Variants in PTPRD observed in about 807,000 individuals in gnomAD.
PTPRD encodes the protein receptor-type tyrosine-protein phosphatase delta.
Under a neutral mutation model 214.5 loss-of-function variants are expected in PTPRD, and 34 were observed. The observed-to-expected ratio is 0.16, with a 90% confidence interval of 0.12 to 0.21. The LOEUF is 0.21. PTPRD is among the 10% of genes least tolerant of loss of function. The probability of loss-of-function intolerance (pLI) is 1.00; values close to 1 mark genes in which losing one functional copy is unlikely to be tolerated. For missense variants in PTPRD, 2,545 were observed against 2,398.7 expected (o/e 1.06, Z -1.27); for synonymous variants, 1,128 against 845.7 (o/e 1.33, Z -5.79).
chr9:9,105,374 A>C (rs1448899443), intron 10 of PTPRD, among the ~76,000 whole-genome samples: 2 of 152,178 alleles, frequency 1.3e-5, no homozygotes, highest in Admixed American at 1.3e-4. Context: ...CTCTAAGTCA[A>C]CTTTCAGAGC....
At chr9:8,543,034 G>C (rs996575003) in intron 14 of PTPRD, among the ~76,000 whole-genome samples, 1 of 152,178 alleles carries the variant, frequency 6.6e-6, no homozygotes, top group Non-Finnish European at 1.5e-5. Flanking sequence ...AGAATAATTT[G>C]AGTTGTGTTC....
chr9:8,776,548 TC>T (rs201221541), intron 11 of PTPRD, among the ~76,000 whole-genome samples: 6,343 of 151,946 alleles, frequency 0.042, 400 homozygotes, highest in African/African-American at 0.14. Flanking sequence ...TCTGCCGGCC[TC>T]CCAAAGTGCT....
At chr9:10,551,170 G>A (rs1307033287) in intron 2 of PTPRD, among the ~76,000 whole-genome samples, 1 of 152,012 alleles carries the variant, frequency 6.6e-6, no homozygotes, top group East Asian at 2.0e-4. Flanking sequence ...CCCCAACTCT[G>A]CAAAGAAACC....
At chr9:8,505,292 C>T (rs2097519235) in intron 22 of PTPRD, among the ~76,000 whole-genome samples, 1 of 152,052 alleles carries the variant, frequency 6.6e-6, no homozygotes, top group African/African-American at 2.4e-5. Context: ...AACACTTTAT[C>T]AAATAGTGTT....
intron 2 of PTPRD, among the ~76,000 whole-genome samples, chr9:10,501,024 T>C (rs552234238): frequency 1.3e-5 from 2 of 152,188 alleles, no homozygotes; most frequent in Admixed American, 1.3e-4. Flanking sequence ...CTTTATCATA[T>C]ACTGATTTCC....
chr9:10,459,558 ATC>A (rs2098943326), intron 2 of PTPRD, among the ~76,000 whole-genome samples: 1 of 152,068 alleles, frequency 6.6e-6, no homozygotes, highest in South Asian at 2.1e-4. Flanking sequence ...CCTCTCCAGC[ATC>A]TGTTGTTTCC....
intron 5 of PTPRD, among the ~76,000 whole-genome samples, chr9:9,819,757 A>G (rs1030126540): frequency 6.6e-6 from 1 of 152,070 alleles, no homozygotes; most frequent in Non-Finnish European, 1.5e-5. Context: ...GAGTGAGAAC[A>G]TGTTCCTGCA....
Position 8,524,961 on chromosome 9 carries a change from T to C in PTPRD, c.643A>G (p.Thr215Ala). The change falls in exon 18 of 46, where the codon ACT becomes GCT. Residue 215 changes from threonine to alanine, a missense_variant. Coordinates refer to ENST00000381196, the MANE Select transcript of PTPRD (RefSeq NM_002839.4). ...YECVATNSAG[T>A]RYSAPANLYV... Reference sequence around the variant, plus strand: ...AAATTGGCAGGAGCGGAATAGCGAGTGCCCGCGCTGTTGGTGGCAACACAC... The same window carrying C: ...AAATTGGCAGGAGCGGAATAGCGAGCGCCCGCGCTGTTGGTGGCAACACAC... The C allele has an allele frequency of 6.2e-7, 1 of 1,613,590 alleles. No individual in the cohort carries two copies. Among genetic ancestry groups the C allele is most frequent in the Non-Finnish European group, 8.5e-7 (1 of 1,179,674 alleles).
At chr9:9,495,589 C>T (rs898719470) in intron 8 of PTPRD, among the ~76,000 whole-genome samples, 7 of 152,150 alleles carry the variant, frequency 4.6e-5, no homozygotes, top group South Asian at 2.1e-4. Flanking sequence ...GACTAGACCT[C>T]GGGGAAGAGA....
intron 6 of PTPRD, among the ~76,000 whole-genome samples, chr9:9,763,852 T>C (rs2098682960): frequency 6.6e-6 from 1 of 152,144 alleles, no homozygotes; most frequent in Non-Finnish European, 1.5e-5. Flanking sequence ...ATTATATATT[T>C]TTAAATAGAC....
chr9:10,575,663 G>A (rs79892210), intron 2 of PTPRD, among the ~76,000 whole-genome samples: 1,615 of 152,200 alleles, frequency 0.011, 30 homozygotes, highest in African/African-American at 0.036. Flanking sequence ...CATTTATGGT[G>A]ATTACAAACC....
At chr9:9,390,513 A>C (rs1168100945) in intron 9 of PTPRD, among the ~76,000 whole-genome samples, 1 of 152,200 alleles carries the variant, frequency 6.6e-6, no homozygotes, top group African/African-American at 2.4e-5. Flanking sequence ...TCATAGAAAC[A>C]ATAAAAGATA....
At chr9:8,850,070 T>C (rs1368991826) in intron 11 of PTPRD, among the ~76,000 whole-genome samples, 6 of 152,134 alleles carry the variant, frequency 3.9e-5, no homozygotes, top group Admixed American at 2.6e-4. Context: ...CCAAGGTTTC[T>C]GATCAAGGGA....
intron 11 of PTPRD, among the ~76,000 whole-genome samples, chr9:8,833,095 T>G (rs955038876): frequency 5.3e-5 from 8 of 152,106 alleles, no homozygotes; most frequent in African/African-American, 1.9e-4. Flanking sequence ...GCACATCCAG[T>G]TCATACACAG....
chr9:10,410,306 A>G (rs144198619), intron 2 of PTPRD, among the ~76,000 whole-genome samples: 79 of 137,842 alleles, frequency 5.7e-4, no homozygotes, highest in Middle Eastern at 3.8e-3. Context: ...TATATAATAT[A>G]TATATAAAAC....
At chr9:9,005,054 C>T (rs1486694902) in intron 11 of PTPRD, among the ~76,000 whole-genome samples, 1 of 152,018 alleles carries the variant, frequency 6.6e-6, no homozygotes, top group African/African-American at 2.4e-5. Flanking sequence ...TCTTTATGCC[C>T]TCTAGTGCAT....
chr9:9,434,131 T>A (rs1452860292), intron 8 of PTPRD, among the ~76,000 whole-genome samples: 1 of 152,200 alleles, frequency 6.6e-6, no homozygotes, highest in Non-Finnish European at 1.5e-5. Context: ...CTTTACCTAT[T>A]GTAATATGAG....
In PTPRD at chr9:9,955,065, G is replaced by T. The variant is rs139485234; in HGVS notation, c.-471-16455C>A. 2.2e-3 allele frequency among the ~76,000 whole-genome samples: 340 copies of T among 152,282 alleles called. 1 individual carries two copies. Among genetic ancestry groups the T allele is most frequent in the African/African-American group, 7.6e-3 (316 of 41,558 alleles). On this transcript the variant is annotated intron_variant, in intron 4 of 45. Coordinates refer to ENST00000381196, the MANE Select transcript of PTPRD (RefSeq NM_002839.4). ...AATGCTAAAGAGCTTGCATTTTAGT[G>T]AAGTAAAGAATGAAGAAGATAGGCA...
chr9:8,331,880 A>C, intron 43 of PTPRD, 144 bp from the exon 44 acceptor site: 2 of 959,890 alleles, frequency 2.1e-6, no homozygotes, highest in Non-Finnish European at 2.9e-6. Context: ...ATAGAAACTT[A>C]GTTATGGTTT....
Sources: gnomAD v4.1 joint callset for allele counts (sites outside exome capture counted in the v4.1 genomes callset) on GRCh38, gnomAD v4.1.1 for gene constraint, MANE v1.5 for transcripts, NCBI Gene and HGNC (gene_info 2026-07-23, HGNC 2026-07-21) for gene names.